NEGR1: variants seen among roughly 807,000 people sequenced by gnomAD.
NEGR1 encodes IgLON family member 4.
A neutral mutation model predicts 40.9 loss-of-function variants in NEGR1; 10 were observed. The ratio of observed to expected loss-of-function variants is 0.24; its 90% CI spans 0.15 to 0.42. The LOEUF (loss-of-function observed/expected upper bound fraction) is 0.42, where lower values mean the gene tolerates loss of function less well. NEGR1 is among the 10% of genes least tolerant of loss of function. The probability of loss-of-function intolerance (pLI) is 1.00; values close to 1 mark genes in which losing one functional copy is unlikely to be tolerated. For synonymous variants in NEGR1, 185 were observed against 166.8 expected, an observed-to-expected ratio of 1.11 and a Z score of -0.84; for missense variants, 352 against 438.9, an observed-to-expected ratio of 0.80 and a Z score of 1.77.
At chr1:71,968,729 G>C (rs1246621655) in intron 1 of NEGR1, among the ~76,000 whole-genome samples, 1 of 152,088 alleles carries the variant, frequency 6.6e-6, no homozygotes, top group Non-Finnish European at 1.5e-5. Context: ...TTTCTAATTG[G>C]AAACATCTAG....
intron 2 of NEGR1, among the ~76,000 whole-genome samples, chr1:71,914,305 T>C (rs1205731022): frequency 7.9e-5 from 12 of 152,324 alleles, no homozygotes. Context: ...CATCCTTTAC[T>C]TCAACAATCA....
chr1:71,725,013 C>A (rs1387703227), intron 3 of NEGR1, among the ~76,000 whole-genome samples: 2 of 152,072 alleles, frequency 1.3e-5, no homozygotes, highest in Admixed American at 1.3e-4. Context: ...TTGTTTCCTG[C>A]CTCTGAGGAA....
chr1:72,099,389 A>C (rs1052964123), intron 1 of NEGR1, among the ~76,000 whole-genome samples: 6 of 151,960 alleles, frequency 3.9e-5, no homozygotes, highest in Non-Finnish European at 8.8e-5. Context: ...TGTACTCTTC[A>C]TTACTTAGTC....
chr1:71,536,784 A>G (rs562439369), intron 6 of NEGR1, among the ~76,000 whole-genome samples: 177 of 151,888 alleles, frequency 1.2e-3, no homozygotes, highest in African/African-American at 4.0e-3. Context: ...GTGCCAAATT[A>G]CAGGCATGTA....
intron 6 of NEGR1, among the ~76,000 whole-genome samples, chr1:71,554,775 C>T (rs1391962854): frequency 6.6e-6 from 1 of 151,470 alleles, no homozygotes; most frequent in African/African-American, 2.4e-5. Context: ...TCTTGAATTT[C>T]TTCTCTAGAT....
At chr1:71,550,014 C>T (rs1648024473) in intron 6 of NEGR1, among the ~76,000 whole-genome samples, 1 of 151,634 alleles carries the variant, frequency 6.6e-6, no homozygotes, top group Non-Finnish European at 1.5e-5. Context: ...ATACTTCTTT[C>T]CTCATTTATA....
In NEGR1 at chr1:71,482,471, A is replaced by G. The variant is rs145012407; in HGVS notation, c.941-74901T>C. On this transcript the variant is annotated intron_variant, in intron 6 of 6. Coordinates refer to ENST00000357731, the MANE Select transcript of NEGR1 (RefSeq NM_173808.3). ...TTTTTTGATTAAAAAATATACATAC[A>G]CTTGTCAAGAAAGCAATCACCATTT... Among the ~76,000 whole-genome samples the G allele has an allele frequency of 2.2e-4, 33 of 151,938 alleles. No individual in the cohort carries two copies. The East Asian group carries it at 6.2e-3, about 29-fold the overall frequency.
At chr1:71,949,114 G>A (rs529044034) in intron 1 of NEGR1, among the ~76,000 whole-genome samples, 3 of 152,250 alleles carry the variant, frequency 2.0e-5, no homozygotes, top group Admixed American at 2.0e-4. Context: ...CTAGCCTGAG[G>A]AATTTAGGGA....
At chr1:72,041,833 A>G (rs1175250394) in intron 1 of NEGR1, among the ~76,000 whole-genome samples, 1 of 145,342 alleles carries the variant, frequency 6.9e-6, no homozygotes, top group Non-Finnish European at 1.5e-5. Context: ...TACATTATAT[A>G]TATTTTATAT....
intron 3 of NEGR1, among the ~76,000 whole-genome samples, chr1:71,712,685 A>G (rs771654062): frequency 7.9e-5 from 12 of 152,170 alleles, no homozygotes; most frequent in Non-Finnish European, 1.6e-4. Flanking sequence ...TGTCAGTGAT[A>G]TAGTTTGGAT....
At chr1:71,918,449 C>T (rs759447650) in intron 2 of NEGR1, among the ~76,000 whole-genome samples, 1 of 151,748 alleles carries the variant, frequency 6.6e-6, no homozygotes, top group Non-Finnish European at 1.5e-5. Context: ...ATGGATGAGC[C>T]TTCAATGGTT....
chr1:71,446,082 A>T (rs984091154), intron 6 of NEGR1, among the ~76,000 whole-genome samples: 1 of 152,248 alleles, frequency 6.6e-6, no homozygotes, highest in Non-Finnish European at 1.5e-5. Context: ...TATAAAATTT[A>T]AATCACATTG....
At chr1:71,471,439 A>T (rs1477009736) in intron 6 of NEGR1, among the ~76,000 whole-genome samples, 1 of 152,094 alleles carries the variant, frequency 6.6e-6, no homozygotes, top group Non-Finnish European at 1.5e-5. Context: ...TGAGGTTGGG[A>T]GTTCAAAACT....
intron 3 of NEGR1, among the ~76,000 whole-genome samples, chr1:71,714,125 C>T (rs1332216062): frequency 1.3e-5 from 2 of 152,036 alleles, no homozygotes; most frequent in African/African-American, 4.8e-5. Context: ...ACAATCATTG[C>T]AGAAGGGACC....
At chr1:71,574,772 T>C (rs1648910480) in intron 6 of NEGR1, among the ~76,000 whole-genome samples, 1 of 152,218 alleles carries the variant, frequency 6.6e-6, no homozygotes, top group Non-Finnish European at 1.5e-5. Flanking sequence ...CCTTAGCCCA[T>C]ACTTATTCTA....
intron 6 of NEGR1, among the ~76,000 whole-genome samples, chr1:71,491,012 A>G (rs1646924046): frequency 6.6e-6 from 1 of 151,998 alleles, no homozygotes; most frequent in Non-Finnish European, 1.5e-5. Flanking sequence ...TAGCACAATT[A>G]CCATGACAAG....
intron 1 of NEGR1, among the ~76,000 whole-genome samples, chr1:72,243,096 C>T (rs1024603256): frequency 5.9e-5 from 9 of 151,512 alleles, no homozygotes; most frequent in African/African-American, 2.2e-4. Flanking sequence ...TGTTCTAAAT[C>T]TTTTTAATTA....
chr1:72,026,301 T>C (rs1352152982), intron 1 of NEGR1, among the ~76,000 whole-genome samples: 2 of 151,618 alleles, frequency 1.3e-5, no homozygotes, highest in Non-Finnish European at 2.9e-5. Flanking sequence ...TAGCAGTCAT[T>C]TTCTAGTTCG....
At chr1:72,001,842 A>G (rs991164242) in intron 1 of NEGR1, among the ~76,000 whole-genome samples, 1 of 151,984 alleles carries the variant, frequency 6.6e-6, no homozygotes, top group African/African-American at 2.4e-5. Flanking sequence ...AAGTACATGT[A>G]TACTCTTGAT....
Sources: gnomAD v4.1 joint callset for allele counts (sites outside exome capture counted in the v4.1 genomes callset) on GRCh38, gnomAD v4.1.1 for gene constraint, MANE v1.5 for transcripts, NCBI Gene and HGNC (gene_info 2026-07-23, HGNC 2026-07-21) for gene names.